Variants in SNX29 observed in about 807,000 individuals in gnomAD.
SNX29 encodes sorting nexin 29, also known as sorting nexin-29.
Under a neutral mutation model 102.1 loss-of-function variants are expected in SNX29, and 78 were observed. That is an observed-to-expected ratio of 0.76 (90% confidence interval 0.64 to 0.92). The LOEUF is 0.92. Among genes scored for constraint, SNX29 ranks in the 40% least tolerant of loss-of-function variants. The pLI, the probability that SNX29 is intolerant of heterozygous loss-of-function variation, is 0.00. For synonymous variants in SNX29, 580 were observed against 414.5 expected, an observed-to-expected ratio of 1.40 and a Z score of -4.85; for missense variants, 1,280 against 1,061.7, an observed-to-expected ratio of 1.21 and a Z score of -2.86.
At chr16:12,330,941 C>T (rs2081274998) in intron 15 of SNX29, among the ~76,000 whole-genome samples, 1 of 152,248 alleles carries the variant, frequency 6.6e-6, no homozygotes, top group East Asian at 1.9e-4. Context: ...GGCATGCTAG[C>T]CCCCTGGCTT....
At chr16:12,541,435 A>G (rs541075743) in intron 20 of SNX29, among the ~76,000 whole-genome samples, 23 of 152,250 alleles carry the variant, frequency 1.5e-4, no homozygotes, top group African/African-American at 3.6e-4. Context: ...AAGGTCATCA[A>G]TGTCTCAAAG....
At position 12,551,111 on chromosome 16, in the gene SNX29, T is replaced by TG. The variant is rs753468800; in HGVS notation, c.2319-17394dup. Among the ~76,000 whole-genome samples the TG allele has an allele frequency of 1.2e-3, 185 of 152,138 alleles. 1 individual carries two copies. Among genetic ancestry groups the TG allele is most frequent in the Non-Finnish European group, 2.3e-3 (155 of 67,996 alleles). ...CTCTTTGCTTGGATGAAATCTGGTGTGAAATAATGGAACAGTGGTCCACAG... is the reference window on the plus strand; with the variant it reads ...CTCTTTGCTTGGATGAAATCTGGTGTGGAAATAATGGAACAGTGGTCCACAG... On this transcript the variant is annotated intron_variant, in intron 20 of 20. Coordinates refer to ENST00000566228, the MANE Select transcript of SNX29 (RefSeq NM_032167.5).
intron 13 of SNX29, among the ~76,000 whole-genome samples, chr16:12,168,101 C>G (rs568785571): frequency 1.3e-5 from 2 of 152,122 alleles, no homozygotes; most frequent in African/African-American, 4.8e-5. Flanking sequence ...GGTGAGGAGG[C>G]AGACAGTAAT....
In SNX29 at chr16:12,545,112, C is replaced by G. The variant is rs62026957; in HGVS notation, c.2318+20271C>G. On this transcript the variant is annotated intron_variant, in intron 20 of 20. Transcript: ENST00000566228. ...ATCAGACCCAGGCTGCAGTAGCCAGCTCTGTGAGGCCCCACTTACCTAGCA... is the reference window on the plus strand; with the variant it reads ...ATCAGACCCAGGCTGCAGTAGCCAGGTCTGTGAGGCCCCACTTACCTAGCA... Among the ~76,000 whole-genome samples, 373 of 152,198 alleles carry G rather than the reference C, an allele frequency of 2.5e-3. 1 individual carries two copies. Among genetic ancestry groups the G allele is most frequent in the Non-Finnish European group, 4.3e-3 (292 of 67,992 alleles).
At chr16:12,464,605 C>T (rs1372547585) in intron 18 of SNX29, among the ~76,000 whole-genome samples, 1 of 152,022 alleles carries the variant, frequency 6.6e-6, no homozygotes, top group African/African-American at 2.4e-5. Flanking sequence ...CAGGCATGTA[C>T]CACCACACCT....
chr16:12,327,474 C>T (rs796915207), intron 15 of SNX29, among the ~76,000 whole-genome samples: 1 of 151,758 alleles, frequency 6.6e-6, no homozygotes, highest in African/African-American at 2.4e-5. Context: ...TATAGACGGC[C>T]GTCTTCCCAC....
At chr16:12,453,656 G>C (rs8055915) in intron 18 of SNX29, among the ~76,000 whole-genome samples, 103,106 of 151,994 alleles carry the variant, frequency 0.68, 36,277 homozygotes, top group African/African-American at 0.87. Flanking sequence ...GCTGGGATTA[G>C]AGGCATGAGC....
intron 16 of SNX29, 66 bp from the exon 17 acceptor site, chr16:12,398,380 T>C (rs1387949708): frequency 1.3e-6 from 2 of 1,539,700 alleles, no homozygotes; most frequent in Non-Finnish European, 1.8e-6. Context: ...AATTCTTCTG[T>C]GATTATGCAA....
chr16:11,984,007 G>T (rs1032564258), intron 1 of SNX29, among the ~76,000 whole-genome samples: 12 of 152,166 alleles, frequency 7.9e-5, no homozygotes, highest in African/African-American at 2.7e-4. Context: ...CTTTTTCATG[G>T]AGGGGATGAT....
In SNX29 at chr16:11,985,270, C is replaced by T. The variant is rs144866986; in HGVS notation, c.7+8457C>T. ...AACATTGGATGATAGTTTGGTGCAT[C>T]CTCTATCACTTATCAAAAGGTTGTT... On this transcript the variant is annotated intron_variant, in intron 1 of 20. Transcript: ENST00000566228. 1.1e-3 allele frequency among the ~76,000 whole-genome samples: 170 copies of T among 152,160 alleles called. 1 individual carries two copies. Among genetic ancestry groups the T allele is most frequent in the Admixed American group, 8.2e-3 (126 of 15,294 alleles).
chr16:12,459,076 C>T (rs1349036217), intron 18 of SNX29, among the ~76,000 whole-genome samples: 2 of 121,994 alleles, frequency 1.6e-5, no homozygotes, highest in Non-Finnish European at 1.7e-5. Context: ...TCCTCCTCCC[C>T]GGTCCACTCC....
At chr16:12,069,700 T>C (rs1191986282) in intron 10 of SNX29, among the ~76,000 whole-genome samples, 1 of 152,126 alleles carries the variant, frequency 6.6e-6, no homozygotes, top group Non-Finnish European at 1.5e-5. Context: ...TTATTTTCTT[T>C]TTTTCTTTTT....
chr16:12,559,506 G>C (rs979174985), intron 20 of SNX29, among the ~76,000 whole-genome samples: 17 of 151,868 alleles, frequency 1.1e-4, no homozygotes, highest in African/African-American at 3.9e-4. Flanking sequence ...ATGTACAAAT[G>C]TAACACACTT....
At chr16:12,275,463 A>G (rs2079215255) in intron 14 of SNX29, among the ~76,000 whole-genome samples, 1 of 152,220 alleles carries the variant, frequency 6.6e-6, no homozygotes, top group Non-Finnish European at 1.5e-5. Flanking sequence ...ACAGACTTTT[A>G]AAACCTTTCT....
At chr16:12,563,475 T>G (rs1598084857) in intron 20 of SNX29, among the ~76,000 whole-genome samples, 1 of 152,182 alleles carries the variant, frequency 6.6e-6, no homozygotes, top group African/African-American at 2.4e-5. Context: ...GGTAAAAGGC[T>G]CAAGGAATAG....
At chr16:12,037,930 G>A (rs2057521503) in intron 4 of SNX29, among the ~76,000 whole-genome samples, 1 of 151,968 alleles carries the variant, frequency 6.6e-6, no homozygotes, top group Non-Finnish European at 1.5e-5. Flanking sequence ...GCTCTAGCCT[G>A]GGCGACAGAG....
At chr16:12,436,722 T>C (rs2085556691) in intron 18 of SNX29, among the ~76,000 whole-genome samples, 1 of 152,232 alleles carries the variant, frequency 6.6e-6, no homozygotes, top group Non-Finnish European at 1.5e-5. Flanking sequence ...TGGAGTACAG[T>C]GGCTCACTGC....
At chr16:12,383,778 T>C (rs1472178273) in intron 16 of SNX29, among the ~76,000 whole-genome samples, 442 of 149,390 alleles carry the variant, frequency 3.0e-3, no homozygotes, top group African/African-American at 0.01. Context: ...CTTTCTTTTT[T>C]TTTTTTTTTT....
chr16:12,553,789 T>C (rs2078146114), intron 20 of SNX29, among the ~76,000 whole-genome samples: 1 of 151,918 alleles, frequency 6.6e-6, no homozygotes, highest in South Asian at 2.1e-4. Flanking sequence ...GGTTTCACCA[T>C]GTTGGTCAGG....
Sources: gnomAD v4.1 joint callset for allele counts (sites outside exome capture counted in the v4.1 genomes callset) on GRCh38, gnomAD v4.1.1 for gene constraint, MANE v1.5 for transcripts, NCBI Gene and HGNC (gene_info 2026-07-23, HGNC 2026-07-21) for gene names.